ELP4: variants seen among roughly 807,000 people sequenced by gnomAD.
ELP4 encodes the protein elongator acetyltransferase complex subunit 4, also known as elongator complex protein 4.
A neutral mutation model predicts 48.9 loss-of-function variants in ELP4; 51 were observed. The observed-to-expected ratio is 1.04, with a 90% CI of 0.83 to 1.32. The LOEUF (loss-of-function observed/expected upper bound fraction) is 1.32, where lower values mean the gene tolerates loss of function less well. ELP4 is among the 40% of genes most tolerant of loss of function. The pLI is 0.00. For synonymous variants in ELP4, 210 were observed against 189.2 expected (o/e 1.11, Z -0.90); for missense variants, 519 against 514.6 (o/e 1.01, Z -0.08).
chr11:31,521,976 C>CAAT (rs1298606164), intron 2 of ELP4, among the ~76,000 whole-genome samples: 2 of 152,070 alleles, frequency 1.3e-5, no homozygotes, highest in African/African-American at 4.8e-5. Context: ...TACATCAATA[C>CAAT]AATATAATCT....
intron 3 of ELP4, among the ~76,000 whole-genome samples, chr11:31,557,419 TATTATA>T (rs1478313065): frequency 1.3e-5 from 2 of 152,024 alleles, no homozygotes; most frequent in African/African-American, 4.8e-5. Context: ...TTTGAATTAT[TATTATA>T]AAGTTTTCTT....
chr11:31,789,965 T>C lies in ELP4; in HGVS notation c.*6441T>C. The C allele has an allele frequency of 6.5e-7, 1 of 1,533,212 alleles. No individual in the cohort carries two copies. The highest frequency in any genetic ancestry group is 9.0e-7 in the Non-Finnish European group (1 of 1,113,430). 95.0% of individuals were successfully genotyped at this position (1,533,212 alleles called of 1,614,324 possible). ...TAATCTTGGCCAGTATTGAGACATA[T>C]CAGGTTCACTTCCGGGAACTTGAAC... On this transcript the variant is annotated 3_prime_UTR_variant, in exon 10 of 10. Coordinates refer to ENST00000640961, the MANE Select transcript of ELP4 (RefSeq NM_019040.5).
chr11:31,543,457 C>G (rs1406723053), intron 3 of ELP4, among the ~76,000 whole-genome samples: 1 of 152,056 alleles, frequency 6.6e-6, no homozygotes, highest in East Asian at 1.9e-4. Context: ...GTAGCGGGGA[C>G]TACAGGCACC....
At chr11:31,563,110 A>G (rs1363120076) in intron 3 of ELP4, among the ~76,000 whole-genome samples, 1 of 152,194 alleles carries the variant, frequency 6.6e-6, no homozygotes, top group Non-Finnish European at 1.5e-5. Context: ...CTTAAGTAGT[A>G]TTAATTATAC....
intron 9 of ELP4, among the ~76,000 whole-genome samples, chr11:31,738,486 C>T (rs564710150): frequency 6.6e-6 from 1 of 152,002 alleles, no homozygotes; most frequent in South Asian, 2.1e-4. Context: ...ATAATCCCAG[C>T]ACACTGCGGG....
intron 9 of ELP4, among the ~76,000 whole-genome samples, chr11:31,656,151 G>T (rs1267916894): frequency 1.3e-5 from 2 of 152,002 alleles, no homozygotes; most frequent in African/African-American, 4.8e-5. Context: ...AGATGTGGTT[G>T]CATAAGTGTT....
rs976714127 is a variant in ELP4 at position 31,726,669 on chromosome 11, G to A, written c.1144-56724G>A. ...GCAGTGGCCAAAAAGAAAAAAAAAAGGGAATCCTAATGGAAAAGAAAACAC... is the reference window on the plus strand; with the variant it reads ...GCAGTGGCCAAAAAGAAAAAAAAAAAGGAATCCTAATGGAAAAGAAAACAC... On this transcript the variant is annotated intron_variant, in intron 9 of 9. Coordinates refer to ENST00000640961, the MANE Select transcript of ELP4 (RefSeq NM_019040.5). Among the ~76,000 whole-genome samples, 6 of 151,896 alleles carry A rather than the reference G, an allele frequency of 4.0e-5. No homozygotes were observed. The East Asian group carries it at 5.8e-4, about 15-fold the overall frequency.
chr11:31,514,841 C>T (rs1181365074), intron 1 of ELP4, among the ~76,000 whole-genome samples: 1 of 151,864 alleles, frequency 6.6e-6, no homozygotes, highest in Admixed American at 6.6e-5. Flanking sequence ...AGCATGGCTA[C>T]AAACATTCAA....
rs1948942439 is a variant in ELP4 at position 31,788,894 on chromosome 11, T to C, written c.*5370T>C. ...TGTTGATCTAACATGGAAATAAAAT[T>C]TGTAACACCACACTATAAGGTTAAA... On this transcript the variant is annotated 3_prime_UTR_variant, in exon 10 of 10. Coordinates refer to ENST00000640961, the MANE Select transcript of ELP4 (RefSeq NM_019040.5). 5.0e-6 allele frequency: 1 copy of C among 201,402 alleles called. No homozygotes were observed. The highest frequency in any genetic ancestry group is 2.3e-5 in the African/African-American group (1 of 43,658). The allele number at this position is 201,402 out of a possible 1,614,324, so 12.5% of individuals were successfully genotyped here. A position where few individuals can be genotyped will look rare whatever the true frequency, so the allele number is the denominator to read the frequency against.
At chr11:31,763,398 T>C (rs1947986084) in intron 9 of ELP4, 1 of 1,577,546 alleles carries the variant, frequency 6.3e-7, no homozygotes, top group Admixed American at 1.8e-5. Flanking sequence ...TGTGTCTCTT[T>C]TCTCTGAGGC....
chr11:31,514,047 A>C (rs1956060493), intron 1 of ELP4, among the ~76,000 whole-genome samples: 1 of 152,234 alleles, frequency 6.6e-6, no homozygotes, highest in Non-Finnish European at 1.5e-5. Flanking sequence ...AAGAGTAGTC[A>C]TGATTCTTTA....
In ELP4 at chr11:31,790,048, T is replaced by A. The variant is rs2134387972; in HGVS notation, c.*6524T>A. 1 of 1,291,150 alleles carries A rather than the reference T, an allele frequency of 7.7e-7. No individual in the cohort carries two copies. Among genetic ancestry groups the A allele is most frequent in the Non-Finnish European group, 1.1e-6 (1 of 917,590 alleles). The allele number at this position is 1,291,150 out of a possible 1,614,324, so 80.0% of individuals were successfully genotyped here. ...GAAGTGGATGAAAGAAATAGCCATG[T>A]AGATATTCCCTTTGAGAAACAGACA... is the stretch of plus-strand genomic sequence containing the variant. On this transcript the variant is annotated 3_prime_UTR_variant, in exon 10 of 10. Transcript: ENST00000640961.
At chr11:31,737,479 TAAAATA>T (rs894601482) in intron 9 of ELP4, among the ~76,000 whole-genome samples, 6 of 151,292 alleles carry the variant, frequency 4.0e-5, no homozygotes, top group Non-Finnish European at 8.8e-5. Context: ...AATAATAAAA[TAAAATA>T]AAAATAAAAA....
intron 3 of ELP4, among the ~76,000 whole-genome samples, chr11:31,551,979 T>C (rs1251839662): frequency 1.3e-5 from 2 of 152,166 alleles, no homozygotes; most frequent in Non-Finnish European, 2.9e-5. Context: ...CCTTTTACTT[T>C]GGTTTCCCTA....
chr11:31,566,890 T>A (rs575137500), intron 3 of ELP4, among the ~76,000 whole-genome samples: 2 of 152,356 alleles, frequency 1.3e-5, no homozygotes, highest in East Asian at 3.9e-4. Context: ...AAGGTACTTA[T>A]AAAACTTCAC....
At chr11:31,769,789 TA>T (rs530581193) in intron 9 of ELP4, among the ~76,000 whole-genome samples, 31 of 151,458 alleles carry the variant, frequency 2.0e-4, no homozygotes, top group African/African-American at 5.6e-4. Flanking sequence ...AATATACTTT[TA>T]AAAAAAAACG....
chr11:31,594,097 GTTTTCT>G (rs374660749), intron 3 of ELP4, among the ~76,000 whole-genome samples: 24 of 152,146 alleles, frequency 1.6e-4, no homozygotes, highest in African/African-American at 5.5e-4. Context: ...CTTAAATACA[GTTTTCT>G]TTGAATTCTT....
At chr11:31,719,313 CTG>C (rs1160189089) in intron 9 of ELP4, among the ~76,000 whole-genome samples, 2 of 151,308 alleles carry the variant, frequency 1.3e-5, no homozygotes, top group Admixed American at 6.6e-5. Context: ...AGGCATAAAA[CTG>C]TGGTAGTTTG....
intron 3 of ELP4, among the ~76,000 whole-genome samples, chr11:31,549,472 A>T (rs563375540): frequency 6.6e-6 from 1 of 151,990 alleles, no homozygotes; most frequent in Non-Finnish European, 1.5e-5. Context: ...GCAATCATTA[A>T]AAAGTCAGGA....
Sources: allele counts gnomAD v4.1 joint callset (sites outside exome capture counted in the v4.1 genomes callset), GRCh38; gene constraint gnomAD v4.1.1; transcripts MANE v1.5; gene names NCBI Gene and HGNC (gene_info 2026-07-23, HGNC 2026-07-21).